Variants in TMEM132B observed in about 807,000 individuals in gnomAD.
TMEM132B encodes the protein transmembrane protein 132B.
In TMEM132B, 18 loss-of-function variants were observed where a neutral mutation model predicts 90.8. That is an observed-to-expected ratio of 0.20 (90% confidence interval 0.14 to 0.29). The LOEUF (loss-of-function observed/expected upper bound fraction) is 0.29. TMEM132B is among the 10% of genes least tolerant of loss of function. The pLI is 1.00. For synonymous variants in TMEM132B, 504 were observed against 523.3 expected, an observed-to-expected ratio of 0.96 and a Z score of 0.50; for missense variants, 1,096 against 1,326.8, an observed-to-expected ratio of 0.83 and a Z score of 2.70.
chr12:125,208,049 T>C (rs1022664800), intron 1 of TMEM132B, among the ~76,000 whole-genome samples: 3 of 152,242 alleles, frequency 2.0e-5, no homozygotes, highest in African/African-American at 7.2e-5. Flanking sequence ...GTCTAGGTAT[T>C]TGAATTTGCA....
intron 1 of TMEM132B, among the ~76,000 whole-genome samples, chr12:125,266,406 GTGGGCAC>G (rs1371354455): frequency 6.6e-6 from 1 of 152,222 alleles, no homozygotes; most frequent in Non-Finnish European, 1.5e-5. Context: ...TCTATCGCCA[GTGGGCAC>G]TGGGTATTAC....
intron 1 of TMEM132B, among the ~76,000 whole-genome samples, chr12:125,325,748 CGTT>C (rs560120398): frequency 3.1e-4 from 46 of 147,854 alleles, no homozygotes; most frequent in South Asian, 8.6e-4. Context: ...GTTTTGTTGT[CGTT>C]GTTGTTGTTT....
chr12:125,653,460 A>C, intron 8 of TMEM132B, 105 bp from the exon 9 acceptor site: 1 of 1,268,826 alleles, frequency 7.9e-7, no homozygotes, highest in Non-Finnish European at 1.1e-6. Flanking sequence ...AAACTATAGA[A>C]ATCTTCTCCT....
rs547221498 is a variant in TMEM132B at position 125,490,620 on chromosome 12, G to T, written c.1107-28819G>T. On this transcript the variant is annotated intron_variant, in intron 3 of 8. Transcript: ENST00000682704. The surrounding 1 kb of genome is among the most constrained non-coding windows in gnomAD (Gnocchi z 4.2). ...CTCGACTACAGACACCTGCCACCACGCCTGGCTAATTTTTTGTGTGTGTTT... is the reference window on the plus strand; with the variant it reads ...CTCGACTACAGACACCTGCCACCACTCCTGGCTAATTTTTTGTGTGTGTTT... Among the ~76,000 whole-genome samples, 2 of 151,882 alleles carry T rather than the reference G, an allele frequency of 1.3e-5. No individual in the cohort carries two copies. Among genetic ancestry groups the T allele is most frequent in the Non-Finnish European group, 2.9e-5 (2 of 67,954 alleles).
intron 4 of TMEM132B, among the ~76,000 whole-genome samples, chr12:125,523,381 A>G (rs560994547): frequency 1.3e-5 from 2 of 151,834 alleles, no homozygotes; most frequent in Non-Finnish European, 2.9e-5. Context: ...CGTGACTCTC[A>G]TCTCTGCTTC....
At chr12:125,316,172 A>C (rs746467473) in intron 1 of TMEM132B, among the ~76,000 whole-genome samples, 4 of 152,244 alleles carry the variant, frequency 2.6e-5, no homozygotes, top group African/African-American at 9.6e-5. Flanking sequence ...ACACAGATCC[A>C]TATCTGCCTC....
At chr12:125,228,706 C>G (rs1431159311) in intron 1 of TMEM132B, among the ~76,000 whole-genome samples, 3 of 152,092 alleles carry the variant, frequency 2.0e-5, no homozygotes, top group African/African-American at 7.2e-5. Flanking sequence ...GGTGCCTACC[C>G]ACAGCGGCCG....
chr12:125,305,576 T>C (rs1875937018), intron 1 of TMEM132B, among the ~76,000 whole-genome samples: 1 of 152,158 alleles, frequency 6.6e-6, no homozygotes, highest in South Asian at 2.1e-4. Flanking sequence ...ATAAAAAGCA[T>C]TTTATCTTTT....
At chr12:125,311,309 G>T (rs1876117774) in intron 1 of TMEM132B, among the ~76,000 whole-genome samples, 1 of 152,220 alleles carries the variant, frequency 6.6e-6, no homozygotes, top group African/African-American at 2.4e-5. Context: ...GGCAACTGCT[G>T]CTTGGGAATG....
Position 125,661,956 on chromosome 12 carries a change from A to G in TMEM132B, c.*7246A>G, listed in dbSNP as rs1245320378. ...CTGTTGTCTCAAAATTGAAATGTGC[A>G]TCTTAGGTATCAGTTCCCAGCCTCA... On this transcript the variant is annotated 3_prime_UTR_variant, in exon 9 of 9. Coordinates refer to ENST00000682704, the MANE Select transcript of TMEM132B (RefSeq NM_001366854.1). The G allele has an allele frequency of 3.8e-4, 58 of 152,214 alleles. No homozygotes were observed. Among genetic ancestry groups the G allele is most frequent in the Admixed American group, 3.8e-3 (58 of 15,280 alleles). The allele number at this position is 152,214 out of a possible 1,614,324, so 9.4% of individuals were successfully genotyped here.
intron 3 of TMEM132B, among the ~76,000 whole-genome samples, chr12:125,516,186 C>G (rs535818509): frequency 6.6e-6 from 1 of 152,056 alleles, no homozygotes; most frequent in Non-Finnish European, 1.5e-5. Flanking sequence ...CATACACTAT[C>G]GCACTCTCAC....
chr12:125,522,496 C>A (rs772297314), intron 4 of TMEM132B, among the ~76,000 whole-genome samples: 5 of 152,188 alleles, frequency 3.3e-5, no homozygotes, highest in African/African-American at 9.7e-5. Flanking sequence ...GCCTATCCCC[C>A]CAAAGCAACA....
rs1226084738 is a variant in TMEM132B, at chr12:125,656,352, A to G, written c.*1642A>G. The G allele has an allele frequency of 6.6e-6, 1 of 152,184 alleles. No individual in the cohort carries two copies. Among genetic ancestry groups the G allele is most frequent in the African/African-American group, 2.4e-5 (1 of 41,454 alleles). The allele number at this position is 152,184 out of a possible 1,614,324, so 9.4% of individuals were successfully genotyped here. On this transcript the variant is annotated 3_prime_UTR_variant, in exon 9 of 9. Transcript: ENST00000682704. The stretch of plus-strand genomic sequence containing the variant: ...GGCTGATAACTGAGCTAATCCAAGG[A>G]GAGGCGTTCAGTTGTTCTCTTATTA...
At chr12:125,456,465 C>T (rs1488034831) in intron 3 of TMEM132B, among the ~76,000 whole-genome samples, 5 of 152,246 alleles carry the variant, frequency 3.3e-5, no homozygotes, top group African/African-American at 4.8e-5. Context: ...GCTGCCAGGG[C>T]ACTCACTGTC....
Position 125,209,440 on chromosome 12 carries a change from G to A in TMEM132B, c.67+22574G>A, listed in dbSNP as rs1025329033. ...GGACAGTGCTCGACTGGGGGAAGGG[G>A]TTTGGCCCCCTTTCTGTCCTGGTCA... On this transcript the variant is annotated intron_variant, in intron 1 of 8. Coordinates refer to ENST00000682704, the MANE Select transcript of TMEM132B (RefSeq NM_001366854.1). This position sits in a 1 kb window ranked among gnomAD's most constrained non-coding sequence, Gnocchi z 4.4. Among the ~76,000 whole-genome samples the A allele has an allele frequency of 6.6e-6, 1 of 152,228 alleles. No homozygotes were observed. The highest frequency in any genetic ancestry group is 1.5e-5 in the Non-Finnish European group (1 of 68,032).
intron 1 of TMEM132B, among the ~76,000 whole-genome samples, chr12:125,284,371 G>A (rs555513004): frequency 5.8e-4 from 88 of 152,280 alleles, no homozygotes; most frequent in African/African-American, 2.1e-3. Context: ...GCAACTATTT[G>A]TTGAGCACTG....
At chr12:125,285,451 T>G (rs902890622) in intron 1 of TMEM132B, among the ~76,000 whole-genome samples, 4 of 152,346 alleles carry the variant, frequency 2.6e-5, no homozygotes, top group African/African-American at 9.6e-5. Context: ...TGAGTAGTCC[T>G]GGGCACTCCC....
chr12:125,392,125 G>A (rs966944539), intron 2 of TMEM132B, among the ~76,000 whole-genome samples: 1 of 152,140 alleles, frequency 6.6e-6, no homozygotes, highest in Non-Finnish European at 1.5e-5. Flanking sequence ...AATTAACTTG[G>A]ATTTTAGAAA....
At chr12:125,605,371 T>A (rs1885668415) in intron 5 of TMEM132B, among the ~76,000 whole-genome samples, 1 of 152,306 alleles carries the variant, frequency 6.6e-6, no homozygotes, top group East Asian at 1.9e-4. Flanking sequence ...AATAAGTTAG[T>A]GTTGGTGGCA....
Sources: gnomAD v4.1 joint callset for allele counts (sites outside exome capture counted in the v4.1 genomes callset) on GRCh38, gnomAD v4.1.1 for gene constraint, Gnocchi (gnomAD v3.1) non-coding constraint, MANE v1.5 for transcripts, NCBI Gene and HGNC (gene_info 2026-07-23, HGNC 2026-07-21) for gene names.